The following PARD3B variants were observed in gnomAD, a reference collection of about 807,000 sequenced individuals.
PARD3B encodes the protein par-3 family cell polarity regulator beta.
In PARD3B, 103 loss-of-function variants were observed where a neutral mutation model predicts 130.2. The ratio of observed to expected loss-of-function variants is 0.79; its 90% CI spans 0.67 to 0.93. The LOEUF (loss-of-function observed/expected upper bound fraction) is 0.93, where lower values mean the gene tolerates loss of function less well. Among genes scored for constraint, PARD3B ranks in the 40% least tolerant of loss-of-function variants. PARD3B has a pLI of 0.00. For missense variants in PARD3B, 1,609 were observed against 1,499.2 expected, an observed-to-expected ratio of 1.07 and a Z score of -1.21; for synonymous variants, 583 against 553.2, an observed-to-expected ratio of 1.05 and a Z score of -0.76.
In PARD3B at chr2:205,105,498, A is replaced by G. The variant is rs116379593; in HGVS notation, c.593+984A>G. Among the ~76,000 whole-genome samples the G allele has an allele frequency of 0.016, 2,380 of 152,300 alleles. 57 individuals are homozygous for G. The highest frequency in any genetic ancestry group is 0.053 in the African/African-American group (2,183 of 41,550). On this transcript the variant is annotated intron_variant, in intron 5 of 22. Coordinates refer to ENST00000406610, the MANE Select transcript of PARD3B (RefSeq NM_001302769.2). The surrounding 1 kb of genome is among the most constrained non-coding windows in gnomAD (Gnocchi z 4.0). Reference sequence around the variant, plus strand: ...CTTTCATTTAGTCCAAACAATTAACATGAAATTAGCTTTTTAAAAACATAG... The same window carrying G: ...CTTTCATTTAGTCCAAACAATTAACGTGAAATTAGCTTTTTAAAAACATAG...
At chr2:204,918,462 C>G (rs1280327211) in intron 2 of PARD3B, among the ~76,000 whole-genome samples, 1 of 151,860 alleles carries the variant, frequency 6.6e-6, no homozygotes, top group Non-Finnish European at 1.5e-5. Flanking sequence ...AACCCCGTCT[C>G]TACTAAAAAT....
chr2:204,622,418 A>C (rs1215706273), intron 1 of PARD3B, among the ~76,000 whole-genome samples: 4 of 152,172 alleles, frequency 2.6e-5, no homozygotes, highest in Non-Finnish European at 5.9e-5. Flanking sequence ...TTCAGTATAC[A>C]ATTACATACA....
At chr2:204,804,209 A>G (rs1575025783) in intron 2 of PARD3B, among the ~76,000 whole-genome samples, 1 of 152,200 alleles carries the variant, frequency 6.6e-6, no homozygotes, top group Non-Finnish European at 1.5e-5. Flanking sequence ...AGCCTAGGCG[A>G]CAGAGTAAGA....
intron 3 of PARD3B, among the ~76,000 whole-genome samples, chr2:205,004,083 C>G (rs968820862): frequency 1.3e-4 from 20 of 152,160 alleles, no homozygotes; most frequent in Admixed American, 1.1e-3. Flanking sequence ...CAGTGTAATT[C>G]AGGATCCAGG....
intron 2 of PARD3B, among the ~76,000 whole-genome samples, chr2:204,961,535 A>T (rs971458736): frequency 6.6e-6 from 1 of 152,180 alleles, no homozygotes; most frequent in African/African-American, 2.4e-5. Context: ...GCCTGGAGTT[A>T]TAGAAGGTCT....
At chr2:205,430,857 C>T (rs1280858032) in intron 19 of PARD3B, among the ~76,000 whole-genome samples, 1 of 152,154 alleles carries the variant, frequency 6.6e-6, no homozygotes, top group Non-Finnish European at 1.5e-5. Context: ...AATAAATCAT[C>T]TGGGGAAGAC....
intron 2 of PARD3B, among the ~76,000 whole-genome samples, chr2:204,962,513 A>G (rs11901858): frequency 1.3e-5 from 2 of 152,152 alleles, no homozygotes; most frequent in African/African-American, 4.8e-5. Flanking sequence ...GGCCATTTCC[A>G]TGCACTAGAT....
intron 22 of PARD3B, among the ~76,000 whole-genome samples, chr2:205,612,273 C>T (rs1018003249): frequency 6.6e-6 from 1 of 152,074 alleles, no homozygotes. Flanking sequence ...CTGCCTTAGC[C>T]TCCCGAGTAG....
At chr2:205,429,332 A>C (rs73054000) in intron 19 of PARD3B, among the ~76,000 whole-genome samples, 7,710 of 152,304 alleles carry the variant, frequency 0.051, 651 homozygotes, top group African/African-American at 0.17. Context: ...GCATTTATTC[A>C]GATTTCCCAA....
At chr2:204,719,230 A>G (rs115656587) in intron 2 of PARD3B, among the ~76,000 whole-genome samples, 3,144 of 152,326 alleles carry the variant, frequency 0.021, 49 homozygotes, top group Non-Finnish European at 0.033. Context: ...GTATTTTGTT[A>G]TAATAGTCTT....
chr2:204,634,047 C>A (rs2034786760), intron 1 of PARD3B, among the ~76,000 whole-genome samples: 1 of 151,918 alleles, frequency 6.6e-6, no homozygotes, highest in South Asian at 2.1e-4. Flanking sequence ...CTATAATTAC[C>A]CTATTTGCTA....
At chr2:204,708,210 A>G (rs555277461) in intron 2 of PARD3B, among the ~76,000 whole-genome samples, 3 of 152,232 alleles carry the variant, frequency 2.0e-5, no homozygotes, top group Admixed American at 6.5e-5. Flanking sequence ...GAGTCTCACC[A>G]TGTTGCCCAG....
At chr2:205,547,080 C>A (rs533843468) in intron 21 of PARD3B, among the ~76,000 whole-genome samples, 1 of 152,126 alleles carries the variant, frequency 6.6e-6, no homozygotes, top group East Asian at 1.9e-4. Context: ...TTTTCATTAA[C>A]TAACATTGTA....
In PARD3B at chr2:205,279,070, C is replaced by CAAAAAAAAAA. The variant is rs57717513; in HGVS notation, c.2186-21443_2186-21434dup. Among the ~76,000 whole-genome samples, 11 of 38,868 alleles carry CAAAAAAAAAA rather than the reference C, an allele frequency of 2.8e-4. 3 individuals carry two copies. Among genetic ancestry groups the CAAAAAAAAAA allele is most frequent in the Non-Finnish European group, 4.4e-4 (10 of 22,618 alleles). 25.5% of individuals were successfully genotyped at this position (38,868 alleles called of 152,430 possible). On this transcript the variant is annotated intron_variant, in intron 16 of 22. Coordinates refer to ENST00000406610, the MANE Select transcript of PARD3B (RefSeq NM_001302769.2). ...TGGATGACAGAGCAAGAATCTGTCTCAAAAAAAAAAAAAAAAAAAAAAAAA... is the reference window on the plus strand; with the variant it reads ...TGGATGACAGAGCAAGAATCTGTCTCAAAAAAAAAAAAAAAAAAAAAAAAAAAAAAAAAAA...
chr2:205,515,405 T>C (rs896788967), intron 21 of PARD3B, among the ~76,000 whole-genome samples: 2 of 152,180 alleles, frequency 1.3e-5, no homozygotes, highest in Non-Finnish European at 2.9e-5. Flanking sequence ...TTTTAGCTTC[T>C]TGAGAAATCA....
chr2:204,720,706 AGAACC>A (rs907998407), intron 2 of PARD3B, among the ~76,000 whole-genome samples: 1 of 152,152 alleles, frequency 6.6e-6, no homozygotes. Flanking sequence ...GATTGGTGTA[AGAACC>A]TTAGTTGCCA....
intron 3 of PARD3B, among the ~76,000 whole-genome samples, chr2:204,999,968 G>A (rs1437811706): frequency 6.6e-6 from 1 of 151,770 alleles, no homozygotes; most frequent in African/African-American, 2.4e-5. Flanking sequence ...GATTCTGGGG[G>A]TTTGCAGAAT....
At chr2:205,220,601 A>T (rs997829356) in intron 15 of PARD3B, among the ~76,000 whole-genome samples, 4 of 152,214 alleles carry the variant, frequency 2.6e-5, no homozygotes, top group Admixed American at 2.6e-4. Context: ...GTCCACGTGA[A>T]GCTTATGTTT....
intron 2 of PARD3B, among the ~76,000 whole-genome samples, chr2:204,885,256 G>A (rs927284136): frequency 3.9e-5 from 6 of 152,022 alleles, no homozygotes; most frequent in Admixed American, 3.9e-4. Context: ...TCATCTATTT[G>A]TTGGCCTCAT....
Sources: allele counts gnomAD v4.1 joint callset (sites outside exome capture counted in the v4.1 genomes callset), GRCh38; gene constraint gnomAD v4.1.1; non-coding constraint Gnocchi (gnomAD v3.1); transcripts MANE v1.5; gene names NCBI Gene and HGNC (gene_info 2026-07-23, HGNC 2026-07-21).